Variants in NRG4 observed in about 807,000 individuals in gnomAD.
NRG4 encodes pro-neuregulin-4, membrane-bound isoform.
Under a neutral mutation model 15.0 loss-of-function variants are expected in NRG4, and 10 were observed. That is an observed-to-expected ratio of 0.67 (90% CI 0.41 to 1.13). The LOEUF is 1.13. NRG4 is among the 50% of genes most tolerant of loss of function. The pLI is 0.00. For missense variants in NRG4, 139 were observed against 140.2 expected (o/e 0.99, Z 0.04); for synonymous variants, 41 against 50.1 (o/e 0.82, Z 0.77).
At chr15:76,014,720 A>G (rs1048829323), upstream of NRG4, among the ~76,000 whole-genome samples, 1 of 152,180 alleles carries the variant, frequency 6.6e-6, no homozygotes, top group African/African-American at 2.4e-5. Context: ...TTTTGATACC[A>G]GTACCATGCT....
At chr15:76,048,080 C>T (rs1188751775) in intron 4 of NRG4, among the ~76,000 whole-genome samples, 3 of 149,894 alleles carry the variant, frequency 2.0e-5, no homozygotes, top group African/African-American at 7.5e-5. Flanking sequence ...ATCCCTGGAG[C>T]CCAGGAGTTC....
chr15:76,036,556 G>C (rs1292277791), intron 4 of NRG4, among the ~76,000 whole-genome samples: 1 of 152,152 alleles, frequency 6.6e-6, no homozygotes, highest in Non-Finnish European at 1.5e-5. Flanking sequence ...CCTATAATGG[G>C]TGTGTGACAT....
chr15:76,022,201 G>T (rs2454212), intron 5 of NRG4, among the ~76,000 whole-genome samples: 2 of 151,994 alleles, frequency 1.3e-5, no homozygotes, highest in African/African-American at 4.8e-5. Flanking sequence ...TGATCTTTAA[G>T]AACTATTTTT....
At chr15:76,006,510 C>A (rs1596015589) in intron 3 of NRG4, among the ~76,000 whole-genome samples, 1 of 152,072 alleles carries the variant, frequency 6.6e-6, no homozygotes, top group African/African-American at 2.4e-5. Context: ...TTGTTCCCTA[C>A]CCCACTCCCC....
At chr15:76,008,530 T>G (rs2034690796) in intron 3 of NRG4, among the ~76,000 whole-genome samples, 1 of 152,200 alleles carries the variant, frequency 6.6e-6, no homozygotes, top group Non-Finnish European at 1.5e-5. Context: ...GGCAGTACTA[T>G]GATGTTAACT....
chr15:75,954,257 G>T (rs532159921), intron 5 of NRG4, among the ~76,000 whole-genome samples: 1,449 of 140,100 alleles, frequency 0.01, 22 homozygotes, highest in African/African-American at 0.034. Context: ...TCCAGTTTTT[G>T]TTTTTTTGTT....
At chr15:76,054,018 T>G (rs2036089538) in intron 2 of NRG4, among the ~76,000 whole-genome samples, 1 of 150,962 alleles carries the variant, frequency 6.6e-6, no homozygotes, top group Admixed American at 6.6e-5. Flanking sequence ...TGAACTCACT[T>G]AAAAACTGAA....
intron 5 of NRG4, among the ~76,000 whole-genome samples, chr15:76,019,488 C>A (rs1487792966): frequency 1.3e-5 from 2 of 152,148 alleles, no homozygotes; most frequent in Admixed American, 1.3e-4. Context: ...GCCCTGATGG[C>A]GTAGGCACGT....
In NRG4 at chr15:75,953,274, A is replaced by G. The variant is rs189323903; in HGVS notation, c.331+2658T>C. ...TCCAGCACCATTTGTTGAAAAGACT[A>G]TTATTACCCCCCACTGAATTGTCTG... On this transcript the variant is annotated intron_variant, in intron 5 of 5. Coordinates refer to ENST00000394907, the MANE Select transcript of NRG4 (RefSeq NM_138573.4). Among the ~76,000 whole-genome samples the G allele has an allele frequency of 3.9e-4, 60 of 152,318 alleles. No individual in the cohort carries two copies. In the East Asian group the frequency reaches 0.01, roughly 26 times the overall value.
At chr15:76,052,793 C>T (rs949710412) in intron 3 of NRG4, 6 of 151,008 alleles carry the variant, frequency 4.0e-5, no homozygotes, top group Admixed American at 2.6e-4. Context: ...ATTAAAAATA[C>T]GAATTTGTAT....
chr15:75,964,877 G>A (rs1249058408), intron 3 of NRG4, among the ~76,000 whole-genome samples: 1 of 151,912 alleles, frequency 6.6e-6, no homozygotes, highest in East Asian at 1.9e-4. Context: ...AGCCCTGATT[G>A]CACCACTGCA....
chr15:76,058,723 C>T (rs1199901728), intron 1 of NRG4, among the ~76,000 whole-genome samples: 2 of 152,200 alleles, frequency 1.3e-5, no homozygotes. Context: ...ACAAGGGTTT[C>T]CCATCTTTTC....
chr15:76,043,771 G>T (rs941966744), intron 4 of NRG4, among the ~76,000 whole-genome samples: 1 of 152,156 alleles, frequency 6.6e-6, no homozygotes, highest in African/African-American at 2.4e-5. Flanking sequence ...ATTCTTCACA[G>T]AAACAGAAGA....
chr15:75,951,268 A>G (rs2031887473), intron 5 of NRG4: 1 of 140,852 alleles, frequency 7.1e-6, no homozygotes, highest in African/African-American at 2.7e-5. Context: ...CCTGGGTTCA[A>G]GCGGTTCTCC....
rs2032535547 is a variant in NRG4 at position 75,961,839 on chromosome 15, G to C, written c.240C>G (p.Tyr80Ter). Residue 80 changes from tyrosine (Y) to a stop codon, truncating the protein, a stop_gained, in exon 4 of 6, where the codon TAC becomes TAG. Coordinates refer to ENST00000394907, the MANE Select transcript of NRG4 (RefSeq NM_138573.4). LOFTEE classifies it high-confidence loss of function. ...VLVTLIIGAFYFLCRKGHFQR... is the reference protein window; with the variant it reads ...VLVTLIIGAF Reference sequence around the variant, plus strand: ...TCTATTTTACTTACCTGCAAAGGAAGTAGAAGGCTCCAATGATAAGTGTTA... The same window carrying C: ...TCTATTTTACTTACCTGCAAAGGAACTAGAAGGCTCCAATGATAAGTGTTA... 3.1e-6 allele frequency: 5 copies of C among 1,612,300 alleles called. No individual in the cohort carries two copies. The highest frequency in any genetic ancestry group is 4.2e-6 in the Non-Finnish European group (5 of 1,179,024).
intron 3 of NRG4, among the ~76,000 whole-genome samples, chr15:75,972,727 T>C (rs949328892): frequency 6.6e-6 from 1 of 152,218 alleles, no homozygotes; most frequent in Non-Finnish European, 1.5e-5. Context: ...TCCATTGGTC[T>C]ATATATCTGT....
chr15:76,028,128 A>G lies in NRG4; in HGVS notation c.-57+7816T>C, dbSNP rs563847195. On this transcript the variant is annotated intron_variant, in intron 5 of 8. Coordinates refer to the NRG4 transcript ENST00000563910. ...CTCAAGGAACTAAAAAAATAAGAAA[A>G]AAATCAAACTCAAAATTAGTAGAAG... Among the ~76,000 whole-genome samples the G allele has an allele frequency of 5.8e-4, 89 of 152,246 alleles. 1 individual carries two copies. Among genetic ancestry groups the G allele is most frequent in the African/African-American group, 2.0e-3 (83 of 41,574 alleles).
At chr15:75,951,824 A>G (rs335732) in intron 5 of NRG4, among the ~76,000 whole-genome samples, 142,827 of 152,264 alleles carry the variant, frequency 0.94, 67,302 homozygotes, top group East Asian at 1. Context: ...TAAATGGTCA[A>G]TTATTTCTTA....
chr15:75,943,727 GTC>G, intron 5 of NRG4, 73 bp from the exon 6 acceptor site: 1 of 934,876 alleles, frequency 1.1e-6, no homozygotes, highest in East Asian at 2.5e-5. Context: ...CTATCTACAT[GTC>G]TCTTATCTTC....
Sources: gnomAD v4.1 joint callset for allele counts (sites outside exome capture counted in the v4.1 genomes callset) on GRCh38, gnomAD v4.1.1 for gene constraint, MANE v1.5 for transcripts, NCBI Gene and HGNC (gene_info 2026-07-23, HGNC 2026-07-21) for gene names.